Variants in MGAM observed in about 807,000 individuals in gnomAD.
MGAM encodes alpha-1,4-glucosidase.
Under a neutral mutation model 358.8 loss-of-function variants are expected in MGAM, and 253 were observed. The observed-to-expected ratio is 0.71, with a 90% confidence interval of 0.64 to 0.78. The LOEUF (loss-of-function observed/expected upper bound fraction) is 0.78, where lower values mean the gene tolerates loss of function less well. Among genes scored for constraint, MGAM ranks in the 30% least tolerant of loss-of-function variants. The probability of loss-of-function intolerance (pLI) is 0.00; values close to 1 mark genes in which losing one functional copy is unlikely to be tolerated. For synonymous variants in MGAM, 1,105 were observed against 1,227.1 expected (o/e 0.90, Z 2.08); for missense variants, 3,080 against 3,432.6 (o/e 0.90, Z 2.57).
chr7:142,036,072 G>A, intron 16 of MGAM, 97 bp from the exon 17 acceptor site: 1 of 893,190 alleles, frequency 1.1e-6, no homozygotes, highest in Non-Finnish European at 1.8e-6. Context: ...CTCGGTAGGA[G>A]GTTTAAGCAA....
chr7:142,081,121 T>A lies in MGAM; in HGVS notation c.6002+176T>A, dbSNP rs946363467. 7.5e-5 allele frequency among the ~76,000 whole-genome samples: 11 copies of A among 146,632 alleles called. 1 individual carries two copies. Among genetic ancestry groups the A allele is most frequent in the Admixed American group, 4.1e-4 (6 of 14,610 alleles). ...GAAATCTTTAGCATTCTGGAAATAA[T>A]TACTGAGGCAGTTGAGCGTGCCTGA... is the stretch of plus-strand genomic sequence containing the variant. On this transcript the variant is annotated intron_variant, in intron 50 of 70. Coordinates refer to ENST00000475668, the MANE Select transcript of MGAM (RefSeq NM_001365693.1).
intron 40 of MGAM, among the ~76,000 whole-genome samples, chr7:142,066,067 G>A (rs1296429606): frequency 7.0e-6 from 1 of 143,748 alleles, no homozygotes; most frequent in African/African-American, 2.5e-5. Flanking sequence ...GGGCTAAAGC[G>A]ATTGTCCCAC....
chr7:142,031,836 A>ATTGTGTATATCTGTATCTGTATCT, intron 13 of MGAM, 43 bp downstream of exon 13: 1 of 1,316,002 alleles, frequency 7.6e-7, no homozygotes, highest in Non-Finnish European at 1.1e-6. Flanking sequence ...AAATATTCAA[A>ATTGTGTATATCTGTATCTGTATCT]TTGTGTATAT....
At position 142,093,431 on chromosome 7, in the gene MGAM, G is replaced by A. The variant is rs749210241; in HGVS notation, c.7053G>A (p.Arg2351=). The part of the protein sequence containing the change: ...PYMPYLESRD[R]GLSSKTLCME... The stretch of plus-strand genomic sequence containing the variant: ...CCTCAGATTTGGAGTCCAGGGACAG[G>A]GGCCTGAGCAGCAAGACCCTGTGCA... Residue 2351 remains arginine (R), a synonymous_variant, in exon 60 of 71, where the codon AGG becomes AGA. Coordinates refer to ENST00000475668, the MANE Select transcript of MGAM (RefSeq NM_001365693.1). 162 of 1,538,334 alleles carry A rather than the reference G, an allele frequency of 1.1e-4. 26 individuals are homozygous for A. The highest frequency in any genetic ancestry group is 1.4e-4 in the Non-Finnish European group (158 of 1,123,576).
chr7:142,043,114 AAATAT>A lies in MGAM; in HGVS notation c.2498+2275_2498+2279del, dbSNP rs1429390411. Reference sequence around the variant, plus strand: ...TATATTATATATACATATAATATCTAAATATAATATATATATTATATATACATATA... The same window carrying A: ...TATATTATATATACATATAATATCTAAATATATATATTATATATACATATA... On this transcript the variant is annotated intron_variant, in intron 21 of 70. Coordinates refer to ENST00000475668, the MANE Select transcript of MGAM (RefSeq NM_001365693.1). 1.7e-3 allele frequency among the ~76,000 whole-genome samples: 66 copies of A among 38,384 alleles called. 1 individual carries two copies. Among genetic ancestry groups the A allele is most frequent in the African/African-American group, 8.0e-3 (56 of 7,016 alleles). The allele number at this position is 38,384 out of a possible 152,430, so 25.2% of individuals were successfully genotyped here.
intron 48 of MGAM, 90 bp downstream of exon 48, chr7:142,078,560 T>C: frequency 1.6e-6 from 2 of 1,277,310 alleles, no homozygotes; most frequent in Non-Finnish European, 1.1e-6. Context: ...ATATAACTAC[T>C]TAAAATCCAT....
rs779286149 is a variant in MGAM at position 142,076,505 on chromosome 7, ATGT to A, written c.5326-150_5326-148del. On this transcript the variant is annotated intron_variant, in intron 46 of 70. Coordinates refer to ENST00000475668, the MANE Select transcript of MGAM (RefSeq NM_001365693.1). Reference sequence around the variant, plus strand: ...ATCAAATTAGAGGATTATCAAACTAATGTTGTACTTCTTGAGCAGACACTAGTA... The same window carrying A: ...ATCAAATTAGAGGATTATCAAACTAATGTACTTCTTGAGCAGACACTAGTA... 1.7e-5 allele frequency: 15 copies of A among 877,828 alleles called. 2 individuals carry two copies. Among genetic ancestry groups the A allele is most frequent in the Non-Finnish European group, 2.6e-5 (14 of 538,228 alleles). The allele number at this position is 877,828 out of a possible 1,614,324, so 54.4% of individuals were successfully genotyped here.
chr7:142,047,588 G>A lies in MGAM; in HGVS notation c.2499-197G>A, dbSNP rs115921675. ...AACATAGATGTTATTGTTAATGTTT[G>A]GGGTATTTCTATCTCTTGTGACACT... is the stretch of plus-strand genomic sequence containing the variant. On this transcript the variant is annotated intron_variant, in intron 21 of 70. Coordinates refer to ENST00000475668, the MANE Select transcript of MGAM (RefSeq NM_001365693.1). 3.9e-4 allele frequency among the ~76,000 whole-genome samples: 60 copies of A among 152,234 alleles called. 1 individual carries two copies. The highest frequency in any genetic ancestry group is 1.2e-3 in the African/African-American group (51 of 41,556).
rs934987040 is a variant in MGAM, at chr7:142,034,724, C to T, written c.1842C>T (p.Thr614=). 2 of 1,613,648 alleles carry T rather than the reference C, an allele frequency of 1.2e-6. No homozygotes were observed. Among genetic ancestry groups the T allele is most frequent in the Admixed American group, 1.7e-5 (1 of 59,972 alleles). The change falls in exon 16 of 71, where the codon ACC becomes ACT. Residue 614 remains threonine (T), a synonymous_variant. Coordinates refer to ENST00000475668, the MANE Select transcript of MGAM (RefSeq NM_001365693.1). ...GAAGCTTCATTCTGACCCGTTCTAC[C>T]TTTGCGGGCTCTGGCAAGTTTGCAG... ...NKRSFILTRS[T]FAGSGKFAAH... is the part of the protein sequence containing the mutation.
At chr7:142,061,146 G>A (rs1271829539) in intron 34 of MGAM, among the ~76,000 whole-genome samples, 2 of 152,174 alleles carry the variant, frequency 1.3e-5, no homozygotes, top group South Asian at 4.1e-4. Flanking sequence ...TTGGAGAACG[G>A]CAGAACATTT....
chr7:142,020,603 A>T (rs375680931), intron 4 of MGAM, among the ~76,000 whole-genome samples: 4,817 of 132,584 alleles, frequency 0.036, 170 homozygotes, highest in African/African-American at 0.073. Context: ...ATATATATAT[A>T]TTTTTTTTTT....
chr7:142,026,798 T>G (rs1563125690), intron 8 of MGAM, among the ~76,000 whole-genome samples: 1 of 152,168 alleles, frequency 6.6e-6, no homozygotes, highest in East Asian at 1.9e-4. Context: ...AAATAATTTT[T>G]TTATGTCACA....
chr7:141,993,807 G>A (rs180921088), upstream of MGAM, among the ~76,000 whole-genome samples: 18 of 152,232 alleles, frequency 1.2e-4, no homozygotes, highest in African/African-American at 2.9e-4. Context: ...TATTGTTTAC[G>A]CTTATCATGT....
At chr7:142,038,776 T>G (rs868403676) in intron 19 of MGAM, among the ~76,000 whole-genome samples, 161 bp downstream of exon 19, 1 of 152,202 alleles carries the variant, frequency 6.6e-6, no homozygotes, top group Admixed American at 6.5e-5. Flanking sequence ...ATCTGGTAAC[T>G]ACACATTTTT....
chr7:142,040,600 G>T (rs2129011399), intron 20 of MGAM, 122 bp from the exon 21 acceptor site: 1 of 1,287,916 alleles, frequency 7.8e-7, no homozygotes, highest in Non-Finnish European at 1.1e-6. Context: ...TTGATTGCCT[G>T]GCTAGACCAT....
Position 142,094,448 on chromosome 7 carries a change from G to A in MGAM, c.7257G>A (p.Trp2419Ter). The change falls in exon 61 of 71, where the codon TGG (tryptophan) becomes TGA (stop). Residue 2419 changes from tryptophan (W) to a stop codon, truncating the protein, a stop_gained. Transcript: ENST00000475668. LOFTEE classifies it high-confidence loss of function. ...FPSSGRWAGH[W>*]LGDNTAAWDQ... is the part of the protein sequence containing the mutation. ...CTTCTGGCCGCTGGGCAGGACATTG[G>A]CTGGGAGACAACACAGCCGCGTGGG... 5 of 1,534,726 alleles carry A rather than the reference G, an allele frequency of 3.3e-6. 1 individual carries two copies. Among genetic ancestry groups the A allele is most frequent in the Non-Finnish European group, 4.5e-6 (5 of 1,121,904 alleles).
intron 11 of MGAM, 50 bp from the exon 12 acceptor site, chr7:142,030,591 G>C (rs1554463000): frequency 6.2e-7 from 1 of 1,603,038 alleles, no homozygotes; most frequent in Non-Finnish European, 8.5e-7. Context: ...TCTCCTTTCA[G>C]TGCCTCCGGT....
intron 3 of MGAM, among the ~76,000 whole-genome samples, chr7:142,017,383 A>G (rs1584922411): frequency 6.6e-6 from 1 of 152,140 alleles, no homozygotes; most frequent in African/African-American, 2.4e-5. Flanking sequence ...TAGGTTTTAC[A>G]TAGTTTGCTT....
intron 51 of MGAM, 45 bp downstream of exon 51, chr7:142,082,255 C>T: frequency 1.3e-6 from 2 of 1,529,116 alleles, no homozygotes; most frequent in South Asian, 2.3e-5. Flanking sequence ...TTCTCTCCAC[C>T]CACACTGCTC....
Sources: gnomAD v4.1 joint callset for allele counts (sites outside exome capture counted in the v4.1 genomes callset) on GRCh38, gnomAD v4.1.1 for gene constraint, MANE v1.5 for transcripts, NCBI Gene and HGNC (gene_info 2026-07-23, HGNC 2026-07-21) for gene names.